Variants in SPATA13 observed in about 807,000 individuals in gnomAD.
The protein encoded by SPATA13 is spermatogenesis-associated protein 13.
Under a neutral mutation model 104.0 loss-of-function variants are expected in SPATA13, and 50 were observed. The observed-to-expected ratio is 0.48, with a 90% CI of 0.38 to 0.61. The LOEUF is 0.61. SPATA13 is among the 20% of genes least tolerant of loss of function. SPATA13 has a pLI of 0.00. For missense variants in SPATA13, 1,524 were observed against 1,690.6 expected, an observed-to-expected ratio of 0.90 and a Z score of 1.73; for synonymous variants, 606 against 667.5, an observed-to-expected ratio of 0.91 and a Z score of 1.42.
chr13:24,170,208 T>C (rs866744689), intron 1 of SPATA13, among the ~76,000 whole-genome samples: 96 of 152,324 alleles, frequency 6.3e-4, no homozygotes, highest in African/African-American at 2.3e-3. Flanking sequence ...CACTAGCATC[T>C]CTGAAGTAAC....
chr13:24,068,232 C>A lies in SPATA13; in HGVS notation c.-112+50531C>A, dbSNP rs182133265. 3.9e-3 allele frequency among the ~76,000 whole-genome samples: 587 copies of A among 152,270 alleles called. 2 individuals are homozygous for A. Among genetic ancestry groups the A allele is most frequent in the South Asian group, 0.017 (80 of 4,818 alleles). On this transcript the variant is annotated intron_variant, in intron 3 of 14. Transcript: ENST00000424834. ...GTCCATGAGTTCTCCTGATTTAGCT[C>A]CCCCTTATAAGTGAGAACATGTGGT...
At chr13:24,090,280 C>G (rs1879869602) in intron 3 of SPATA13, among the ~76,000 whole-genome samples, 1 of 152,148 alleles carries the variant, frequency 6.6e-6, no homozygotes, top group Non-Finnish European at 1.5e-5. Flanking sequence ...GGGTCTTACT[C>G]ATGCTGCTTG....
At chr13:24,068,672 G>A (rs1346228892) in intron 3 of SPATA13, among the ~76,000 whole-genome samples, 3 of 152,094 alleles carry the variant, frequency 2.0e-5, no homozygotes, top group Non-Finnish European at 4.4e-5. Flanking sequence ...ATTTTGACTT[G>A]CATTCTTATG....
intron 3 of SPATA13, among the ~76,000 whole-genome samples, chr13:24,049,304 G>A (rs1321330281): frequency 6.6e-6 from 1 of 152,140 alleles, no homozygotes; most frequent in Non-Finnish European, 1.5e-5. Context: ...TCTACATTTG[G>A]GTGTGTTTAG....
At chr13:24,247,634 C>T (rs1873220944) in intron 2 of SPATA13, among the ~76,000 whole-genome samples, 1 of 152,052 alleles carries the variant, frequency 6.6e-6, no homozygotes, top group African/African-American at 2.4e-5. Flanking sequence ...AGGCACCTGT[C>T]ACCACACCTG....
At chr13:24,255,852 G>A (rs1873765049) in intron 4 of SPATA13, among the ~76,000 whole-genome samples, 1 of 152,206 alleles carries the variant, frequency 6.6e-6, no homozygotes, top group Admixed American at 6.5e-5. Context: ...CAGCAAACCA[G>A]CTGTAAAAGC....
intron 3 of SPATA13, among the ~76,000 whole-genome samples, chr13:24,092,180 G>A (rs1398362951): frequency 6.6e-6 from 1 of 152,106 alleles, no homozygotes; most frequent in East Asian, 1.9e-4. Flanking sequence ...TTCTATTCTG[G>A]CAATAACTTC....
intron 2 of SPATA13, 75 bp downstream of exon 2, chr13:24,224,657 G>T (rs1373847261): frequency 6.8e-7 from 1 of 1,472,472 alleles, no homozygotes; most frequent in Admixed American, 2.0e-5. Flanking sequence ...GTTGCCCTTG[G>T]TCCCTAACCT....
chr13:24,077,361 C>G (rs1385803854), intron 3 of SPATA13, among the ~76,000 whole-genome samples: 2 of 151,002 alleles, frequency 1.3e-5, no homozygotes, highest in African/African-American at 4.9e-5. Flanking sequence ...TTCTCTGAAC[C>G]CAAAATTGGG....
chr13:24,089,695 G>A (rs186704777), intron 3 of SPATA13, among the ~76,000 whole-genome samples: 4 of 152,330 alleles, frequency 2.6e-5, no homozygotes, highest in Admixed American at 6.5e-5. Context: ...GGAAGTATTT[G>A]TCATTTATCT....
At chr13:24,136,332 C>T (rs1923898) in intron 3 of SPATA13, among the ~76,000 whole-genome samples, 80,865 of 151,832 alleles carry the variant, frequency 0.53, 21,826 homozygotes, top group Admixed American at 0.61. Flanking sequence ...CAAAATTAGC[C>T]GGGTGTGGTG....
intron 3 of SPATA13, among the ~76,000 whole-genome samples, chr13:24,084,919 G>T (rs1195478082): frequency 2.0e-5 from 3 of 152,130 alleles, no homozygotes; most frequent in Non-Finnish European, 4.4e-5. Flanking sequence ...GAGGAAACCT[G>T]CCTTGACAGC....
intron 3 of SPATA13, among the ~76,000 whole-genome samples, chr13:24,030,231 G>A (rs544033966): frequency 6.6e-6 from 1 of 152,102 alleles, no homozygotes; most frequent in African/African-American, 2.4e-5. Flanking sequence ...ACTTGGTGTT[G>A]TACATTCACT....
intron 1 of SPATA13, among the ~76,000 whole-genome samples, chr13:24,214,913 A>G (rs1282132704): frequency 6.6e-6 from 1 of 152,250 alleles, no homozygotes; most frequent in Non-Finnish European, 1.5e-5. Flanking sequence ...GTCAGAATAT[A>G]GTACTTGCTT....
chr13:24,107,324 G>A (rs1263299099), intron 3 of SPATA13, among the ~76,000 whole-genome samples: 1 of 143,502 alleles, frequency 7.0e-6, no homozygotes, highest in African/African-American at 2.5e-5. Context: ...AATGCTGTAT[G>A]TATGCAGGCA....
chr13:24,176,125 A>G (rs1868419746), intron 1 of SPATA13, among the ~76,000 whole-genome samples: 1 of 152,218 alleles, frequency 6.6e-6, no homozygotes, highest in African/African-American at 2.4e-5. Context: ...TTACAAAGGT[A>G]GAGTCCAAGT....
chr13:24,135,716 AAAG>A (rs1372548586), intron 3 of SPATA13, among the ~76,000 whole-genome samples: 21 of 151,928 alleles, frequency 1.4e-4, no homozygotes, highest in Non-Finnish European at 2.2e-4. Context: ...AAAAAAAAAA[AAAG>A]AGTATTTTTA....
In SPATA13 at chr13:24,078,332, A is replaced by G. The variant is rs76714905; in HGVS notation, c.-112+60631A>G. Among the ~76,000 whole-genome samples the G allele has an allele frequency of 2.0e-5, 3 of 152,342 alleles. No individual in the cohort carries two copies. The East Asian group carries it at 5.8e-4, about 29-fold the overall frequency. On this transcript the variant is annotated intron_variant, in intron 3 of 14. Coordinates refer to the SPATA13 transcript ENST00000424834. ...CTGTGTTTGAAATGGGCATGATAGTAGTTTTGATATTTTTGGTGTTTGCCA... is the reference window on the plus strand; with the variant it reads ...CTGTGTTTGAAATGGGCATGATAGTGGTTTTGATATTTTTGGTGTTTGCCA...
intron 4 of SPATA13, among the ~76,000 whole-genome samples, chr13:24,259,016 C>T (rs1451518992): frequency 6.6e-6 from 1 of 152,180 alleles, no homozygotes; most frequent in Non-Finnish European, 1.5e-5. Context: ...TATGGGTAAG[C>T]TGTAGTTTTG....
Sources: allele counts gnomAD v4.1 joint callset (sites outside exome capture counted in the v4.1 genomes callset), GRCh38; gene constraint gnomAD v4.1.1; transcripts MANE v1.5; gene names NCBI Gene and HGNC (gene_info 2026-07-23, HGNC 2026-07-21).